LARGE1: variants seen among roughly 807,000 people sequenced by gnomAD.
LARGE1 encodes LARGE xylosyl- and glucuronyltransferase 1.
LARGE1 carries 43 observed loss-of-function variants against 87.6 expected under a neutral mutation model. That is an observed-to-expected ratio of 0.49 (90% CI 0.38 to 0.63). The LOEUF is 0.63. Ranked by LOEUF, LARGE1 falls within the 30% of genes least tolerant of loss-of-function variation. The pLI is 0.00. For missense variants in LARGE1, 802 were observed against 1,000.2 expected (o/e 0.80, Z 2.67); for synonymous variants, 434 against 394.6 (o/e 1.10, Z -1.18).
chr22:33,450,301 T>TCTCA (rs1211581608), intron 6 of LARGE1, among the ~76,000 whole-genome samples: 1 of 151,998 alleles, frequency 6.6e-6, no homozygotes, highest in African/African-American at 2.4e-5. Context: ...GGACCAAACT[T>TCTCA]CTCATTTGAA....
chr22:33,154,592 C>A, the LARGE1 span, among the ~76,000 whole-genome samples: 3 of 152,172 alleles, frequency 2.0e-5, no homozygotes, highest in East Asian at 5.8e-4. Flanking sequence ...TCTGTGACTA[C>A]GCTTTCTCTG....
the LARGE1 span, among the ~76,000 whole-genome samples, chr22:33,069,878 C>T: frequency 5.0e-5 from 7 of 139,510 alleles, no homozygotes; most frequent in South Asian, 1.4e-3. Flanking sequence ...AGTGCAATGG[C>T]GCGTTCTTGG....
At chr22:33,674,107 CTAA>C (rs1465967129) in intron 2 of LARGE1, among the ~76,000 whole-genome samples, 2 of 151,716 alleles carry the variant, frequency 1.3e-5, no homozygotes, top group African/African-American at 4.8e-5. Context: ...CTGCACCCCG[CTAA>C]TTTTTTTTAT....
intron 1 of LARGE1, among the ~76,000 whole-genome samples, chr22:33,836,802 A>G (rs1209739490): frequency 6.6e-6 from 1 of 152,040 alleles, no homozygotes; most frequent in Non-Finnish European, 1.5e-5. Context: ...TACTGGAAAA[A>G]AAAAAAAAGA....
At position 33,650,572 on chromosome 22, in the gene LARGE1, C is replaced by A. The variant is rs135311; in HGVS notation, c.203G>T (p.Arg68Leu). Reference protein sequence around the residue: ...SQRERESLEVRMREVEEENRA... With the variant: ...SQRERESLEVLMREVEEENRA... ...GTTCTCCTCCTCCACCTCGCGCATGCGCACCTCCAGGCTCTCGCGCTCCCG... is the reference window on the plus strand; with the variant it reads ...GTTCTCCTCCTCCACCTCGCGCATGAGCACCTCCAGGCTCTCGCGCTCCCG... The change falls in exon 3 of 15, where the codon CGC (arginine) becomes CTC (leucine). Residue 68 changes from arginine (R) to leucine (L), a missense_variant. Coordinates refer to ENST00000397394, the MANE Select transcript of LARGE1 (RefSeq NM_133642.5). 2 of 1,607,474 alleles carry A rather than the reference C, an allele frequency of 1.2e-6. No homozygotes were observed. Among genetic ancestry groups the A allele is most frequent in the Admixed American group, 3.3e-5 (2 of 60,022 alleles).
At chr22:33,853,456 A>C (rs1475355985) in intron 1 of LARGE1, among the ~76,000 whole-genome samples, 2 of 152,218 alleles carry the variant, frequency 1.3e-5, no homozygotes, top group African/African-American at 4.8e-5. Context: ...GAAGAGGAGG[A>C]GGCTGTGAGC....
rs1367306857 is a variant in LARGE1, at chr22:33,809,729, C to G, written c.-82-48171G>C. Reference sequence around the variant, plus strand: ...TGAAAATATTATTTCAACATATCATCAATATAAAAATAACCAATGAGATAT... The same window carrying G: ...TGAAAATATTATTTCAACATATCATGAATATAAAAATAACCAATGAGATAT... On this transcript the variant is annotated intron_variant, in intron 1 of 14. Coordinates refer to ENST00000397394, the MANE Select transcript of LARGE1 (RefSeq NM_133642.5). 2.0e-5 allele frequency among the ~76,000 whole-genome samples: 3 copies of G among 150,364 alleles called. No individual in the cohort carries two copies. In the East Asian group the frequency reaches 5.8e-4, roughly 29 times the overall value.
intron 6 of LARGE1, among the ~76,000 whole-genome samples, chr22:33,511,251 C>T (rs1443159820): frequency 6.6e-6 from 1 of 152,178 alleles, no homozygotes; most frequent in African/African-American, 2.4e-5. Context: ...TGTGTGTGTA[C>T]TGCTGTATGC....
At chr22:33,376,315 T>A (rs1047250446) in intron 9 of LARGE1, among the ~76,000 whole-genome samples, 2 of 152,242 alleles carry the variant, frequency 1.3e-5, no homozygotes, top group Admixed American at 6.5e-5. Context: ...TTGCTATTTG[T>A]TATTTGCCTA....
intron 13 of LARGE1, among the ~76,000 whole-genome samples, chr22:33,280,622 G>A (rs1432406313): frequency 6.6e-6 from 1 of 152,172 alleles, no homozygotes; most frequent in Non-Finnish European, 1.5e-5. Flanking sequence ...AGAAAGGCTG[G>A]GCAGCACAGG....
chr22:33,722,191 T>A, intron 2 of LARGE1, among the ~76,000 whole-genome samples: 2 of 150,776 alleles, frequency 1.3e-5, no homozygotes, highest in Non-Finnish European at 2.9e-5. Flanking sequence ...AGGCGGAGGT[T>A]GCAATGAGCC....
chr22:33,139,172 C>T, the LARGE1 span, among the ~76,000 whole-genome samples: 108 of 152,216 alleles, frequency 7.1e-4, no homozygotes, highest in Non-Finnish European at 1.3e-3. Context: ...ATAAATTACC[C>T]AGTCTTGGGT....
intron 4 of LARGE1, among the ~76,000 whole-genome samples, chr22:33,624,658 T>C (rs547557002): frequency 7.2e-5 from 11 of 152,324 alleles, no homozygotes; most frequent in African/African-American, 2.4e-4. Flanking sequence ...GAAAGCACTA[T>C]GGAGATCAAC....
chr22:33,342,154 T>C (rs778548127), intron 9 of LARGE1, among the ~76,000 whole-genome samples: 2 of 152,184 alleles, frequency 1.3e-5, no homozygotes, highest in African/African-American at 2.4e-5. Context: ...AATAATTGCA[T>C]GTGGGCTGGT....
intron 6 of LARGE1, among the ~76,000 whole-genome samples, chr22:33,490,644 C>G (rs1418862083): frequency 2.0e-5 from 3 of 152,184 alleles, no homozygotes; most frequent in Admixed American, 2.0e-4. Context: ...TGCCATAGTA[C>G]CTGGGAATCC....
At chr22:33,828,487 T>C (rs1020028216) in intron 1 of LARGE1, among the ~76,000 whole-genome samples, 1 of 152,214 alleles carries the variant, frequency 6.6e-6, no homozygotes, top group Non-Finnish European at 1.5e-5. Context: ...AGCAGCAGCT[T>C]GTGGGAAGGA....
At chr22:33,227,834 G>T (rs1445868232) in intron 11 of LARGE1, among the ~76,000 whole-genome samples, 1 of 152,150 alleles carries the variant, frequency 6.6e-6, no homozygotes, top group East Asian at 1.9e-4. Flanking sequence ...AAACCTTTGG[G>T]CTAGGCACAT....
the LARGE1 span, among the ~76,000 whole-genome samples, chr22:33,089,596 C>T: frequency 2.0e-5 from 3 of 151,772 alleles, no homozygotes; most frequent in Non-Finnish European, 4.4e-5. Context: ...CTCCTGGGCT[C>T]AAGGGATCCT....
At chr22:33,360,459 G>A (rs774189807) in intron 9 of LARGE1, among the ~76,000 whole-genome samples, 1 of 149,650 alleles carries the variant, frequency 6.7e-6, no homozygotes, top group African/African-American at 2.5e-5. Context: ...GAAGGGGCAT[G>A]GCAGAAACTT....
Sources: allele counts gnomAD v4.1 joint callset (sites outside exome capture counted in the v4.1 genomes callset), GRCh38; gene constraint gnomAD v4.1.1; transcripts MANE v1.5; gene names NCBI Gene and HGNC (gene_info 2026-07-23, HGNC 2026-07-21).